PDPR: variants seen among roughly 807,000 people sequenced by gnomAD.
PDPR encodes the protein pyruvate dehydrogenase phosphatase regulatory subunit, mitochondrial.
A neutral mutation model predicts 102.2 loss-of-function variants in PDPR; 50 were observed. The observed-to-expected ratio is 0.49, with a 90% confidence interval of 0.39 to 0.62. The LOEUF (loss-of-function observed/expected upper bound fraction) is 0.62. Ranked by LOEUF, PDPR falls within the 20% of genes least tolerant of loss-of-function variation. The pLI is 0.00. For missense variants in PDPR, 625 were observed against 1,098.2 expected, an observed-to-expected ratio of 0.57 and a Z score of 6.09; for synonymous variants, 259 against 406.0, an observed-to-expected ratio of 0.64 and a Z score of 4.35.
chr16:70,145,607 T>C (rs576380940), intron 15 of PDPR: 8 of 381,504 alleles, frequency 2.1e-5, no homozygotes, highest in Admixed American at 7.2e-5. Flanking sequence ...AAATATGATA[T>C]ACGTCCTGCT....
At position 70,156,833 on chromosome 16, in the gene PDPR, A is replaced by G; in HGVS notation, c.2594A>G (p.Lys865Arg). ...CCTGTCGCCTCCCTCTTCACCCAGA[A>G]GCGCCGAAAGGATGACATGGAGCTG... ...LYPVASLFTQ[K>R]RRKDDMELSD... Residue 865 changes from lysine (K) to arginine (R), a missense_variant, in exon 19 of 19, where the codon AAG (lysine) becomes AGG (arginine). Coordinates refer to ENST00000288050, the MANE Select transcript of PDPR (RefSeq NM_017990.5). 6.2e-7 allele frequency: 1 copy of G among 1,614,048 alleles called. No homozygotes were observed. Among genetic ancestry groups the G allele is most frequent in the Non-Finnish European group, 8.5e-7 (1 of 1,179,900 alleles).
In PDPR at chr16:70,119,288, C is replaced by T. The variant is rs548299367; in HGVS notation, c.-32-1173C>T. Among the ~76,000 whole-genome samples the T allele has an allele frequency of 1.4e-4, 22 of 152,156 alleles. No individual in the cohort carries two copies. In the East Asian group the frequency reaches 2.1e-3, roughly 15 times the overall value. On this transcript the variant is annotated intron_variant, in intron 2 of 18. Transcript: ENST00000288050. ...CTGTTTTTCTTATAATTCTACCATC[C>T]GCTCTCCACCATGGAGCCAGACTGA...
chr16:70,140,219 A>T (rs1965566285), intron 11 of PDPR, among the ~76,000 whole-genome samples: 1 of 152,222 alleles, frequency 6.6e-6, no homozygotes, highest in Non-Finnish European at 1.5e-5. Context: ...CACACACCTG[A>T]AGTCCCAGCT....
In PDPR at chr16:70,156,524, G is replaced by A; in HGVS notation, c.2285G>A (p.Gly762Glu). 1.2e-6 allele frequency: 2 copies of A among 1,614,076 alleles called. No homozygotes were observed. Among genetic ancestry groups the A allele is most frequent in the South Asian group, 1.1e-5 (1 of 91,084 alleles). ...GCCCTCCTGCAGCAGAAGCAGAATG[G>A]AGTGTATAAACGCCTCACCATGTTC... is the stretch of plus-strand genomic sequence containing the variant. ...RDALLQQKQN[G>E]VYKRLTMFIL... Residue 762 changes from glycine to glutamate, a missense_variant, in exon 19 of 19, where the codon GGA becomes GAA. Coordinates refer to ENST00000288050, the MANE Select transcript of PDPR (RefSeq NM_017990.5).
chr16:70,145,490 A>G (rs1227279836), intron 15 of PDPR, among the ~76,000 whole-genome samples: 1 of 152,238 alleles, frequency 6.6e-6, no homozygotes. Flanking sequence ...TCTCACTCTC[A>G]GCAGTCTCGG....
At chr16:70,150,458 A>G (rs1391179224) in intron 17 of PDPR, among the ~76,000 whole-genome samples, 3 of 152,088 alleles carry the variant, frequency 2.0e-5, no homozygotes, top group Admixed American at 6.6e-5. Context: ...ACAGGTAGCA[A>G]TCAATGATTG....
At chr16:70,118,753 G>A (rs1962911225) in intron 2 of PDPR, among the ~76,000 whole-genome samples, 1 of 152,170 alleles carries the variant, frequency 6.6e-6, no homozygotes, top group Non-Finnish European at 1.5e-5. Flanking sequence ...GCCGGGTAGA[G>A]AAGCTTCTGT....
rs889895974 is a variant in PDPR, at chr16:70,162,179, A to G, written c.*5300A>G. 3.3e-5 allele frequency: 5 copies of G among 152,556 alleles called. No individual in the cohort carries two copies. The highest frequency in any genetic ancestry group is 1.2e-4 in the African/African-American group (5 of 41,484). 9.5% of individuals were successfully genotyped at this position (152,556 alleles called of 1,614,324 possible). Reference sequence around the variant, plus strand: ...AAGCTCTTTCAGTGAAGGGTGTTCTAGCAGCTCAGTTAACACTTTACTCTC... The same window carrying G: ...AAGCTCTTTCAGTGAAGGGTGTTCTGGCAGCTCAGTTAACACTTTACTCTC... On this transcript the variant is annotated 3_prime_UTR_variant, in exon 19 of 19. Coordinates refer to ENST00000288050, the MANE Select transcript of PDPR (RefSeq NM_017990.5).
rs1221854355 is a variant in PDPR, at chr16:70,138,831, G to T, written c.1191-68G>T. The T allele has an allele frequency of 2.5e-6, 4 of 1,602,370 alleles. No homozygotes were observed. In the South Asian group the frequency reaches 4.4e-5, roughly 18 times the overall value. On this transcript the variant is annotated intron_variant, in intron 10 of 18. Transcript: ENST00000288050. ...GGATCTTTTGATTCTGTTTGTTCTC[G>T]ATTTGTAGAATATTAATTTTCTCAA...
intron 6 of PDPR, among the ~76,000 whole-genome samples, chr16:70,129,964 C>T (rs1784888608): frequency 6.6e-6 from 1 of 152,266 alleles, no homozygotes; most frequent in African/African-American, 2.4e-5. Flanking sequence ...TACATAGTCT[C>T]AGGATGTGAT....
At position 70,156,684 on chromosome 16, in the gene PDPR, C is replaced by T; in HGVS notation, c.2445C>T (p.Gly815=). The T allele has an allele frequency of 2.5e-6, 4 of 1,614,028 alleles. No individual in the cohort carries two copies. Among genetic ancestry groups the T allele is most frequent in the Non-Finnish European group, 2.5e-6 (3 of 1,179,916 alleles). ...GCCTGGAGCGCCACGTTTGCCTGGGCTTTGTGCACAATTTTTCTGAGGACA... is the reference window on the plus strand; with the variant it reads ...GCCTGGAGCGCCACGTTTGCCTGGGTTTTGTGCACAATTTTTCTGAGGACA... ...SYSLERHVCL[G]FVHNFSEDTG... Residue 815 remains glycine (G), a synonymous_variant, in exon 19 of 19, where the codon GGC becomes GGT. Transcript: ENST00000288050.
chr16:70,135,394 G>A (rs1392237227), intron 9 of PDPR, among the ~76,000 whole-genome samples: 2 of 152,228 alleles, frequency 1.3e-5, no homozygotes, highest in African/African-American at 4.8e-5. Flanking sequence ...CCACCATCAC[G>A]ACTGGCTAAT....
At chr16:70,115,709 C>T (rs1232189710) in intron 2 of PDPR, among the ~76,000 whole-genome samples, 1 of 152,158 alleles carries the variant, frequency 6.6e-6, no homozygotes, top group Non-Finnish European at 1.5e-5. Flanking sequence ...TTGGAATAAG[C>T]AGATCTGAGT....
At chr16:70,130,846 C>G (rs1964469595) in intron 7 of PDPR, among the ~76,000 whole-genome samples, 1 of 152,278 alleles carries the variant, frequency 6.6e-6, no homozygotes, top group Non-Finnish European at 1.5e-5. Flanking sequence ...TATAACCTAG[C>G]AAATAACATA....
At chr16:70,145,989 A>G in intron 15 of PDPR, 145 bp from the exon 16 acceptor site, 1 of 700,900 alleles carries the variant, frequency 1.4e-6, no homozygotes. Context: ...CTTAGCATCC[A>G]TCCTTGGAGT....
intron 14 of PDPR, 38 bp downstream of exon 14, chr16:70,143,696 A>G (rs1381754571): frequency 3.1e-6 from 5 of 1,606,196 alleles, no homozygotes; most frequent in African/African-American, 1.3e-5. Context: ...TCCCTCCAAC[A>G]TGTTGATTCC....
At chr16:70,143,145 C>T (rs11866776) in intron 13 of PDPR, among the ~76,000 whole-genome samples, 20,969 of 143,346 alleles carry the variant, frequency 0.15, 11 homozygotes, top group African/African-American at 0.17. Context: ...GCTGAGATTG[C>T]GCCACTGCAC....
At chr16:70,150,262 C>T (rs34771160) in intron 17 of PDPR, among the ~76,000 whole-genome samples, 2,490 of 151,266 alleles carry the variant, frequency 0.016, 4 homozygotes, top group Non-Finnish European at 0.026. Context: ...TGCCACCACA[C>T]CCGACTAATT....
intron 17 of PDPR, among the ~76,000 whole-genome samples, chr16:70,151,569 GA>G (rs1329771818): frequency 1.3e-5 from 2 of 152,290 alleles, no homozygotes; most frequent in African/African-American, 4.8e-5. Context: ...GGTTGATTCT[GA>G]AGTGCCACCC....
Sources: allele counts gnomAD v4.1 joint callset (sites outside exome capture counted in the v4.1 genomes callset), GRCh38; gene constraint gnomAD v4.1.1; transcripts MANE v1.5; gene names NCBI Gene and HGNC (gene_info 2026-07-23, HGNC 2026-07-21).